Variants in NELL1 observed in about 807,000 individuals in gnomAD.
NELL1 encodes protein kinase C-binding protein NELL1.
Under a neutral mutation model 107.4 loss-of-function variants are expected in NELL1, and 76 were observed. The ratio of observed to expected loss-of-function variants is 0.71; its 90% CI spans 0.59 to 0.86. NELL1 has a LOEUF of 0.86. Among genes scored for constraint, NELL1 ranks in the 40% least tolerant of loss-of-function variants. The pLI, the probability that NELL1 is intolerant of heterozygous loss-of-function variation, is 0.00. For synonymous variants in NELL1, 353 were observed against 341.2 expected, an observed-to-expected ratio of 1.03 and a Z score of -0.38; for missense variants, 1,024 against 1,005.5, an observed-to-expected ratio of 1.02 and a Z score of -0.25.
At chr11:21,214,083 C>T (rs934611166) in intron 13 of NELL1, among the ~76,000 whole-genome samples, 18 of 152,064 alleles carry the variant, frequency 1.2e-4, no homozygotes, top group Non-Finnish European at 2.5e-4. Context: ...CAATAAAGGC[C>T]TTATACAGGG....
At chr11:20,921,732 G>GA (rs1197572452) in intron 7 of NELL1, among the ~76,000 whole-genome samples, 1 of 150,918 alleles carries the variant, frequency 6.6e-6, no homozygotes, top group African/African-American at 2.4e-5. Context: ...TGTGAACATA[G>GA]AACTTGTAGT....
At chr11:21,069,709 T>A (rs925819502) in intron 12 of NELL1, among the ~76,000 whole-genome samples, 1 of 152,242 alleles carries the variant, frequency 6.6e-6, no homozygotes, top group Non-Finnish European at 1.5e-5. Flanking sequence ...AATTTTAGTA[T>A]CTTTCTTGAC....
intron 5 of NELL1, among the ~76,000 whole-genome samples, chr11:20,894,992 C>CTTCTCTTCATCCTTGCTCCATGTA (rs1849695070): frequency 4.6e-5 from 7 of 151,072 alleles, no homozygotes; most frequent in African/African-American, 1.7e-4. Flanking sequence ...TTCCCTCTGG[C>CTTCTCTTCATCCTTGCTCCATGTA]CGGGCGCGGT....
chr11:21,101,929 C>G (rs925282572), intron 12 of NELL1, among the ~76,000 whole-genome samples: 8 of 152,090 alleles, frequency 5.3e-5, no homozygotes, highest in African/African-American at 1.7e-4. Flanking sequence ...AGAGCAGTGG[C>G]GTGATCTTGG....
chr11:20,674,765 A>G (rs1400683555), intron 1 of NELL1, among the ~76,000 whole-genome samples: 1 of 152,152 alleles, frequency 6.6e-6, no homozygotes, highest in African/African-American at 2.4e-5. Flanking sequence ...CAAGGATACC[A>G]TTGGGGTGTT....
intron 2 of NELL1, among the ~76,000 whole-genome samples, chr11:20,759,733 G>A (rs1011916172): frequency 1.3e-5 from 2 of 152,148 alleles, no homozygotes; most frequent in African/African-American, 4.8e-5. Context: ...AGGGTGCTGC[G>A]CCTGATTGGC....
intron 1 of NELL1, among the ~76,000 whole-genome samples, chr11:20,672,985 CCCG>C (rs1853957672): frequency 8.6e-6 from 1 of 115,848 alleles, no homozygotes; most frequent in African/African-American, 3.7e-5. Context: ...CCCCCCCCCC[CCCG>C]AGTAGCTGGG....
chr11:20,710,927 T>A (rs971743455), intron 2 of NELL1, among the ~76,000 whole-genome samples: 6 of 152,022 alleles, frequency 3.9e-5, no homozygotes, highest in Non-Finnish European at 5.9e-5. Context: ...CTTTTCTTGG[T>A]TAACCTTACT....
chr11:20,980,161 G>T (rs186502073), intron 12 of NELL1, among the ~76,000 whole-genome samples: 1 of 152,070 alleles, frequency 6.6e-6, no homozygotes, highest in Non-Finnish European at 1.5e-5. Context: ...AGCATCTCTT[G>T]TTCTCAGATA....
chr11:21,323,607 A>G (rs750142275), intron 14 of NELL1, among the ~76,000 whole-genome samples: 58 of 152,254 alleles, frequency 3.8e-4, no homozygotes, highest in Admixed American at 9.2e-4. Flanking sequence ...TGTCTCCAAG[A>G]TGGCTGCCCT....
intron 15 of NELL1, among the ~76,000 whole-genome samples, chr11:21,518,889 G>C (rs988387742): frequency 6.6e-5 from 10 of 152,132 alleles, no homozygotes; most frequent in Non-Finnish European, 1.3e-4. Flanking sequence ...ATTTTGGCTG[G>C]AAGTAATAGA....
chr11:21,527,784 T>A (rs1424254183), intron 15 of NELL1, among the ~76,000 whole-genome samples: 1 of 152,168 alleles, frequency 6.6e-6, no homozygotes, highest in Non-Finnish European at 1.5e-5. Flanking sequence ...TGGAGTCTGA[T>A]ATTTGAGGGC....
intron 12 of NELL1, among the ~76,000 whole-genome samples, chr11:20,987,728 C>T (rs148662032): frequency 6.6e-6 from 1 of 152,124 alleles, no homozygotes; most frequent in Non-Finnish European, 1.5e-5. Flanking sequence ...CAAACCATAT[C>T]AGAAACTTAA....
At chr11:21,026,601 C>A (rs72939993) in intron 12 of NELL1, among the ~76,000 whole-genome samples, 3 of 152,026 alleles carry the variant, frequency 2.0e-5, no homozygotes, top group African/African-American at 7.2e-5. Flanking sequence ...TTGCCTGTTG[C>A]GTTGGTTGTC....
At chr11:20,862,159 G>A in intron 4 of NELL1, among the ~76,000 whole-genome samples, 1 of 152,168 alleles carries the variant, frequency 6.6e-6, no homozygotes, top group East Asian at 1.9e-4. Flanking sequence ...GTAAGTAAGT[G>A]TTTAATATGT....
chr11:21,552,278 A>G (rs889546595), intron 16 of NELL1, among the ~76,000 whole-genome samples: 2 of 151,830 alleles, frequency 1.3e-5, no homozygotes, highest in African/African-American at 4.8e-5. Context: ...CCTAAAACTT[A>G]AAGTATAATA....
chr11:20,732,196 T>C (rs1182809902), intron 2 of NELL1, among the ~76,000 whole-genome samples: 1 of 152,032 alleles, frequency 6.6e-6, no homozygotes, highest in Non-Finnish European at 1.5e-5. Flanking sequence ...CTGGGCCCAC[T>C]TGCTACCACC....
chr11:20,887,377 G>T (rs1849531114), intron 5 of NELL1, among the ~76,000 whole-genome samples: 1 of 152,152 alleles, frequency 6.6e-6, no homozygotes, highest in Non-Finnish European at 1.5e-5. Context: ...GGCTTACTGG[G>T]TTGTATATTA....
In NELL1 at chr11:20,895,227, C is replaced by G. The variant is rs1444198958; in HGVS notation, c.603+9687C>G. Reference sequence around the variant, plus strand: ...GCGGAGCTTGCAGTGAGCCGAGATCCCGCCACTGCACTCCAGCCTGGGCGA... The same window carrying G: ...GCGGAGCTTGCAGTGAGCCGAGATCGCGCCACTGCACTCCAGCCTGGGCGA... On this transcript the variant is annotated intron_variant, in intron 5 of 19. Transcript: ENST00000357134. 2.4e-4 allele frequency among the ~76,000 whole-genome samples: 27 copies of G among 112,124 alleles called. 1 individual carries two copies. The highest frequency in any genetic ancestry group is 6.1e-4 in the African/African-American group (15 of 24,436). The allele number at this position is 112,124 out of a possible 152,430, so 73.6% of individuals were successfully genotyped here.
Sources: gnomAD v4.1 joint callset for allele counts (sites outside exome capture counted in the v4.1 genomes callset) on GRCh38, gnomAD v4.1.1 for gene constraint, MANE v1.5 for transcripts, NCBI Gene and HGNC (gene_info 2026-07-23, HGNC 2026-07-21) for gene names.